The following TRAP1 variants were observed in gnomAD, a reference collection of about 807,000 sequenced individuals.
The protein encoded by TRAP1 is heat shock protein 75 kDa, mitochondrial.
A neutral mutation model predicts 89.1 loss-of-function variants in TRAP1; 102 were observed. The ratio of observed to expected loss-of-function variants is 1.15; its 90% CI spans 0.98 to 1.35. The LOEUF is 1.35. Ranked by LOEUF, TRAP1 falls within the 40% of genes most tolerant of loss-of-function variation. TRAP1 has a pLI of 0.00. For synonymous variants in TRAP1, 508 were observed against 388.0 expected (o/e 1.31, Z -3.64); for missense variants, 1,256 against 945.3 (o/e 1.33, Z -4.31).
chr16:3,662,758 G>C (rs752250653), intron 15 of TRAP1, 124 bp downstream of exon 15: 1 of 895,104 alleles, frequency 1.1e-6, no homozygotes, highest in African/African-American at 1.6e-5. Flanking sequence ...GTCTCCACCT[G>C]ACACCAAGGG....
chr16:3,675,437 G>A (rs757484083), intron 7 of TRAP1, 40 bp from the exon 8 acceptor site: 24 of 1,598,602 alleles, frequency 1.5e-5, no homozygotes, highest in Admixed American at 3.3e-5. Flanking sequence ...CATCTACAAT[G>A]CTTGTGGAAA....
chr16:3,669,533 C>T (rs937660302), intron 11 of TRAP1, among the ~76,000 whole-genome samples: 1 of 152,058 alleles, frequency 6.6e-6, no homozygotes, highest in East Asian at 1.9e-4. Flanking sequence ...AATACAGCTG[C>T]AGGTAAAGAT....
At chr16:3,660,950 A>G (rs1023746697) in intron 16 of TRAP1, 2 of 127,440 alleles carry the variant, frequency 1.6e-5, no homozygotes, top group African/African-American at 2.5e-5. Flanking sequence ...CTTAGGCTAC[A>G]TTGTGGGGGG....
Position 3,675,247 on chromosome 16 carries a change from C to T in TRAP1, c.888+77G>A, listed in dbSNP as rs1187039769. On this transcript the variant is annotated intron_variant, in intron 8 of 17. Coordinates refer to ENST00000246957, the MANE Select transcript of TRAP1 (RefSeq NM_016292.3). The stretch of plus-strand genomic sequence containing the variant: ...GACTCTGGGCCGCATCCCCTGGGCT[C>T]ATCTCTTCTCCGCTGCCCTGAAACG... 5.3e-5 allele frequency: 76 copies of T among 1,441,802 alleles called. No individual in the cohort carries two copies. In the Admixed American group the frequency reaches 1.1e-3, roughly 22 times the overall value. 89.3% of individuals were successfully genotyped at this position (1,441,802 alleles called of 1,614,324 possible). A position where few individuals can be genotyped will look rare whatever the true frequency, so the allele number is the denominator to read the frequency against.
chr16:3,676,027 C>T lies in TRAP1; in HGVS notation c.814+9G>A, dbSNP rs1309914173. ...CCCAGAGTGAGCCTGGGCCCGGGCT[C>T]CCGCTCACCTCGCACCCGGGCCTCG... On this transcript the variant is annotated intron_variant, in intron 7 of 17. Transcript: ENST00000246957. The T allele has an allele frequency of 6.2e-7, 1 of 1,610,132 alleles. No individual in the cohort carries two copies. Among genetic ancestry groups the T allele is most frequent in the African/African-American group, 1.3e-5 (1 of 74,806 alleles).
intron 9 of TRAP1, among the ~76,000 whole-genome samples, chr16:3,673,404 C>A (rs1365497861): frequency 6.6e-6 from 1 of 152,176 alleles, no homozygotes; most frequent in Non-Finnish European, 1.5e-5. Context: ...CCTGTCTGGC[C>A]CTCGTGGAAC....
At chr16:3,696,163 C>T (rs1019983879) in intron 1 of TRAP1, among the ~76,000 whole-genome samples, 9 of 152,164 alleles carry the variant, frequency 5.9e-5, no homozygotes, top group Non-Finnish European at 1.2e-4. Flanking sequence ...CAAACTAGGA[C>T]GGCTGGTCAC....
intron 1 of TRAP1, among the ~76,000 whole-genome samples, chr16:3,709,334 A>G (rs889142663): frequency 7.2e-5 from 11 of 152,136 alleles, no homozygotes; most frequent in Admixed American, 7.2e-4. Flanking sequence ...AAGATGTTTT[A>G]CCACACTCAT....
chr16:3,691,926 A>G (rs2051219674), intron 1 of TRAP1, among the ~76,000 whole-genome samples: 1 of 152,164 alleles, frequency 6.6e-6, no homozygotes, highest in African/African-American at 2.4e-5. Flanking sequence ...GAGGGAGGAA[A>G]GCAGCCAATG....
intron 11 of TRAP1, among the ~76,000 whole-genome samples, chr16:3,666,361 G>A (rs928832091): frequency 4.2e-5 from 5 of 118,854 alleles, no homozygotes; most frequent in African/African-American, 2.2e-4. Context: ...GATGCCCCCA[G>A]AGACAAGATA....
chr16:3,675,382 TACTTCGTTACC>T lies in TRAP1; in HGVS notation c.819_829del (p.Val274GlnfsTer31). 6.2e-7 allele frequency: 1 copy of T among 1,614,110 alleles called. No individual in the cohort carries two copies. Among genetic ancestry groups the T allele is most frequent in the Non-Finnish European group, 8.5e-7 (1 of 1,179,966 alleles). ...CAAGGGGAAGCTGACGAAGTTGCTGTACTTCGTTACCACATCTGGAAGGGACAAAAGAAAAA... is the reference window on the plus strand; with the variant it reads ...CAAGGGGAAGCTGACGAAGTTGCTGTACATCTGGAAGGGACAAAAGAAAAA... On this transcript the variant is annotated frameshift_variant, in exon 8 of 18. Coordinates refer to ENST00000246957, the MANE Select transcript of TRAP1 (RefSeq NM_016292.3). LOFTEE classifies it high-confidence loss of function.
chr16:3,663,370 AGGC>A, intron 14 of TRAP1, 51 bp downstream of exon 14: 1 of 1,606,428 alleles, frequency 6.2e-7, no homozygotes, highest in African/African-American at 1.3e-5. Context: ...GGGGCAGGAG[AGGC>A]GTGCGGGGAG....
At chr16:3,705,757 G>A (rs189665238) in intron 1 of TRAP1, among the ~76,000 whole-genome samples, 402 of 152,172 alleles carry the variant, frequency 2.6e-3, no homozygotes, top group African/African-American at 9.3e-3. Context: ...TTGGCTCACT[G>A]CAACCTCTGC....
At chr16:3,710,932 G>A (rs1044997745) in intron 1 of TRAP1, among the ~76,000 whole-genome samples, 1 of 145,166 alleles carries the variant, frequency 6.9e-6, no homozygotes, top group Non-Finnish European at 1.5e-5. Context: ...GTGCAGTGGC[G>A]TGATCACAGC....
At position 3,675,661 on chromosome 16, in the gene TRAP1, G is replaced by C. The variant is rs117921780; in HGVS notation, c.815-264C>G. 9.7e-3 allele frequency among the ~76,000 whole-genome samples: 1,483 copies of C among 152,308 alleles called. 17 individuals are homozygous for C. The highest frequency in any genetic ancestry group is 0.041 in the South Asian group (198 of 4,828). On this transcript the variant is annotated intron_variant, in intron 7 of 17. Coordinates refer to ENST00000246957, the MANE Select transcript of TRAP1 (RefSeq NM_016292.3). ...AATGTCAGCTTGTGGCTGGAACATGGCTTTCTGGGCTGACTCCTGGGGGTA... is the reference window on the plus strand; with the variant it reads ...AATGTCAGCTTGTGGCTGGAACATGCCTTTCTGGGCTGACTCCTGGGGGTA...
Position 3,691,043 on chromosome 16 carries a change from G to A in TRAP1, c.89-58C>T, listed in dbSNP as rs898751131. 9 of 1,401,824 alleles carry A rather than the reference G, an allele frequency of 6.4e-6. No homozygotes were observed. The Admixed American group carries it at 1.6e-4, about 25-fold the overall frequency. 86.8% of individuals were successfully genotyped at this position (1,401,824 alleles called of 1,614,324 possible). The stretch of plus-strand genomic sequence containing the variant: ...TTAGGAAGACACGAGAAACAATATG[G>A]TAATTCGTCCCATCAAGGGTGTCTA... On this transcript the variant is annotated intron_variant, in intron 1 of 17. Coordinates refer to ENST00000246957, the MANE Select transcript of TRAP1 (RefSeq NM_016292.3).
At chr16:3,694,718 T>A (rs11862646) in intron 1 of TRAP1, among the ~76,000 whole-genome samples, 1 of 152,034 alleles carries the variant, frequency 6.6e-6, no homozygotes, top group African/African-American at 2.4e-5. Context: ...ACTCAAGTAA[T>A]CCTCCCACTT....
intron 16 of TRAP1, 28 bp from the exon 17 acceptor site, chr16:3,658,893 C>CAGCTCAGTACCACGTG: frequency 1.2e-6 from 2 of 1,612,476 alleles, no homozygotes; most frequent in Non-Finnish European, 1.7e-6. Context: ...CCAGAAAAAG[C>CAGCTCAGTACCACGTG]AGCTCAGTAC....
Position 3,679,162 on chromosome 16 carries a change from G to A in TRAP1, c.543+557C>T, listed in dbSNP as rs149513746. On this transcript the variant is annotated intron_variant, in intron 5 of 17. Coordinates refer to ENST00000246957, the MANE Select transcript of TRAP1 (RefSeq NM_016292.3). ...AAAAATTGGCCAGGCGTGGTGGCTC[G>A]TGCCTGTAATCCCAGCTACTTGGGA... Among the ~76,000 whole-genome samples, 62 of 152,136 alleles carry A rather than the reference G, an allele frequency of 4.1e-4. No individual in the cohort carries two copies. The East Asian group carries it at 9.3e-3, about 23-fold the overall frequency.
Sources: gnomAD v4.1 joint callset for allele counts (sites outside exome capture counted in the v4.1 genomes callset) on GRCh38, gnomAD v4.1.1 for gene constraint, MANE v1.5 for transcripts, NCBI Gene and HGNC (gene_info 2026-07-23, HGNC 2026-07-21) for gene names.